Variants in IPMK observed in about 807,000 individuals in gnomAD.
The protein encoded by IPMK is inositol 1,3,4,6-tetrakisphosphate 5-kinase.
In IPMK, 17 loss-of-function variants were observed where a neutral mutation model predicts 45.8. That is an observed-to-expected ratio of 0.37 (90% CI 0.25 to 0.56). The LOEUF is 0.56. Ranked by LOEUF, IPMK falls within the 20% of genes least tolerant of loss-of-function variation. The pLI is 0.79. For synonymous variants in IPMK, 180 were observed against 184.3 expected (o/e 0.98, Z 0.19); for missense variants, 399 against 498.0 (o/e 0.80, Z 1.89).
In IPMK at chr10:58,246,625, C is replaced by G. The variant is rs554523861; in HGVS notation, c.191-8811G>C. 4.1e-4 allele frequency among the ~76,000 whole-genome samples: 55 copies of G among 132,656 alleles called. 2 individuals are homozygous for G. In the South Asian group the frequency reaches 5.3e-3, roughly 13 times the overall value. 87.0% of individuals were successfully genotyped at this position (132,656 alleles called of 152,430 possible). Reference sequence around the variant, plus strand: ...TATGTAGAAAGCTGAAACTGGATCCCTTCTTTACACCTTATACAAAAATCA... The same window carrying G: ...TATGTAGAAAGCTGAAACTGGATCCGTTCTTTACACCTTATACAAAAATCA... On this transcript the variant is annotated intron_variant, in intron 1 of 5. Coordinates refer to ENST00000373935, the MANE Select transcript of IPMK (RefSeq NM_152230.5).
chr10:58,219,044 T>G (rs1249051965), intron 3 of IPMK, among the ~76,000 whole-genome samples: 3 of 152,176 alleles, frequency 2.0e-5, no homozygotes, highest in Admixed American at 1.3e-4. Flanking sequence ...TCCAAATGTG[T>G]TTTTCTTTAC....
rs555875281 is a variant in IPMK at position 58,242,404 on chromosome 10, G to A, written c.191-4590C>T. On this transcript the variant is annotated intron_variant, in intron 1 of 5. Transcript: ENST00000373935. ...GAACCCAGGCGGTAGGGGTTGCAGC[G>A]AGTCGCGATTGTGCCACTGCACTCC... 9.4e-5 allele frequency among the ~76,000 whole-genome samples: 14 copies of A among 148,596 alleles called. No individual in the cohort carries two copies. The South Asian group carries it at 2.8e-3, about 29-fold the overall frequency.
intron 3 of IPMK, among the ~76,000 whole-genome samples, chr10:58,223,757 G>C (rs1276955521): frequency 6.6e-6 from 1 of 152,118 alleles, no homozygotes; most frequent in Admixed American, 6.6e-5. Context: ...GAAGGTGATT[G>C]GATTATGGGG....
chr10:58,265,559 A>C (rs1435554407), intron 1 of IPMK, among the ~76,000 whole-genome samples: 1 of 152,220 alleles, frequency 6.6e-6, no homozygotes, highest in Non-Finnish European at 1.5e-5. Flanking sequence ...TTGTATAACT[A>C]TCTGAGAATT....
rs1395026360 is a variant in IPMK, at chr10:58,194,227, A to G, written c.*1849T>C. The G allele has an allele frequency of 2.0e-5, 3 of 151,842 alleles. No homozygotes were observed. Among genetic ancestry groups the G allele is most frequent in the African/African-American group, 4.8e-5 (2 of 41,436 alleles). The allele number at this position is 151,842 out of a possible 1,614,324, so 9.4% of individuals were successfully genotyped here. A position where few individuals can be genotyped will look rare whatever the true frequency, so the allele number is the denominator to read the frequency against. ...TCAGTATCTTGTTAAGATTCAAAAT[A>G]GTGTTTAATTATCTGAGCTTAAGAT... On this transcript the variant is annotated 3_prime_UTR_variant, in exon 6 of 6. Coordinates refer to ENST00000373935, the MANE Select transcript of IPMK (RefSeq NM_152230.5).
At chr10:58,205,441 C>T (rs899306930) in intron 4 of IPMK, among the ~76,000 whole-genome samples, 1 of 152,004 alleles carries the variant, frequency 6.6e-6, no homozygotes, top group Non-Finnish European at 1.5e-5. Flanking sequence ...TAGAGAAAGG[C>T]AAATCAAAAC....
chr10:58,251,609 T>C (rs1838881240), intron 1 of IPMK, among the ~76,000 whole-genome samples: 2 of 152,172 alleles, frequency 1.3e-5, no homozygotes, highest in South Asian at 4.1e-4. Context: ...TCTATTAAAG[T>C]CAATTTCTCC....
intron 1 of IPMK, among the ~76,000 whole-genome samples, chr10:58,239,324 A>G (rs1460427735): frequency 1.3e-5 from 2 of 152,218 alleles, no homozygotes; most frequent in African/African-American, 4.8e-5. Context: ...GATGGAGCAC[A>G]AGAAAGGCCT....
intron 1 of IPMK, among the ~76,000 whole-genome samples, chr10:58,244,239 G>T (rs1838754446): frequency 6.7e-6 from 1 of 149,298 alleles, no homozygotes; most frequent in Non-Finnish European, 1.5e-5. Context: ...CCTATGCCCG[G>T]CTGCCCTTGG....
intron 1 of IPMK, among the ~76,000 whole-genome samples, chr10:58,264,690 G>A (rs1218504958): frequency 1.3e-5 from 2 of 152,042 alleles, no homozygotes; most frequent in Non-Finnish European, 2.9e-5. Flanking sequence ...CAAACAAATG[G>A]TGAAAAGTCT....
chr10:58,237,768 T>G lies in IPMK; in HGVS notation c.237A>C (p.Pro79=), dbSNP rs41313828. Residue 79 remains proline, a synonymous_variant, in exon 2 of 6, where the codon CCA becomes CCC. Transcript: ENST00000373935. ...PDGTVLKQLQ[P]PPRGPRELEF... is the part of the protein sequence containing the mutation. ...CCAGCTCTCTTGGGCCCCTTGGAGG[T>G]GGTTGTAACTGTTTCAAAACTGTGC... The G allele has an allele frequency of 9.3e-6, 15 of 1,613,602 alleles. No individual in the cohort carries two copies. The highest frequency in any genetic ancestry group is 1.3e-5 in the Non-Finnish European group (15 of 1,179,804).
At chr10:58,229,004 G>A (rs1016099304) in intron 2 of IPMK, among the ~76,000 whole-genome samples, 1 of 152,122 alleles carries the variant, frequency 6.6e-6, no homozygotes, top group African/African-American at 2.4e-5. Flanking sequence ...CAGGGATGAG[G>A]CAGAGCTGAG....
At chr10:58,265,489 T>C (rs192981442) in intron 1 of IPMK, among the ~76,000 whole-genome samples, 41 of 152,286 alleles carry the variant, frequency 2.7e-4, no homozygotes, top group African/African-American at 9.6e-4. Flanking sequence ...TCTTATCCAT[T>C]TTACAAATAG....
intron 2 of IPMK, among the ~76,000 whole-genome samples, chr10:58,231,210 C>A (rs1332490934): frequency 6.6e-6 from 1 of 152,154 alleles, no homozygotes; most frequent in Non-Finnish European, 1.5e-5. Context: ...GACTGGTATA[C>A]CTGGAAGCGA....
rs560506256 is a variant in IPMK, at chr10:58,224,748, C to T, written c.373+2295G>A. 3.3e-5 allele frequency among the ~76,000 whole-genome samples: 5 copies of T among 152,178 alleles called. No individual in the cohort carries two copies. In the South Asian group the frequency reaches 1.0e-3, roughly 32 times the overall value. ...TACCCTGGACACATAAGAAAAGATA[C>T]CCAAACAACAAGAACAAAAACCAAC... On this transcript the variant is annotated intron_variant, in intron 3 of 5. Transcript: ENST00000373935.
intron 4 of IPMK, among the ~76,000 whole-genome samples, chr10:58,208,142 A>G (rs1477925799): frequency 1.3e-5 from 2 of 151,810 alleles, no homozygotes; most frequent in African/African-American, 4.8e-5. Context: ...GGGTTTCACC[A>G]TGTTAGCCAG....
chr10:58,221,171 C>T (rs1309090547), intron 3 of IPMK, among the ~76,000 whole-genome samples: 1 of 152,066 alleles, frequency 6.6e-6, no homozygotes, highest in African/African-American at 2.4e-5. Flanking sequence ...ATTGATTTCA[C>T]CTCAAGTTAA....
At chr10:58,216,792 A>G (rs1838250295) in intron 3 of IPMK, among the ~76,000 whole-genome samples, 1 of 152,226 alleles carries the variant, frequency 6.6e-6, no homozygotes, top group Non-Finnish European at 1.5e-5. Context: ...ACCTATCCAA[A>G]TGATGATAAT....
At chr10:58,226,466 A>T (rs1838417434) in intron 3 of IPMK, among the ~76,000 whole-genome samples, 1 of 152,190 alleles carries the variant, frequency 6.6e-6, no homozygotes, top group Admixed American at 6.5e-5. Context: ...ACCTTTGTCA[A>T]TGGTCAGTCA....
Sources: allele counts gnomAD v4.1 joint callset (sites outside exome capture counted in the v4.1 genomes callset), GRCh38; gene constraint gnomAD v4.1.1; transcripts MANE v1.5; gene names NCBI Gene and HGNC (gene_info 2026-07-23, HGNC 2026-07-21).